The following MCPH1 variants were observed in gnomAD, a reference collection of about 807,000 sequenced individuals.
MCPH1 encodes microcephalin 1, also known as microcephalin.
A neutral mutation model predicts 84.5 loss-of-function variants in MCPH1; 104 were observed. That is an observed-to-expected ratio of 1.23 (90% CI 1.05 to 1.45). The LOEUF is 1.45. Among genes scored for constraint, MCPH1 ranks in the 40% most tolerant of loss-of-function variants. The pLI is 0.00. For missense variants in MCPH1, 1,498 were observed against 1,005.7 expected (o/e 1.49, Z -6.62); for synonymous variants, 514 against 366.8 (o/e 1.40, Z -4.58).
intron 3 of MCPH1, among the ~76,000 whole-genome samples, chr8:6,420,005 C>G (rs1337698194): frequency 6.6e-6 from 1 of 151,274 alleles, no homozygotes; most frequent in Non-Finnish European, 1.5e-5. Context: ...CCTCTTCTGT[C>G]AGTTCTGCTG....
chr8:6,439,543 C>T (rs1000023385), intron 6 of MCPH1, among the ~76,000 whole-genome samples: 20 of 151,170 alleles, frequency 1.3e-4, no homozygotes, highest in Non-Finnish European at 2.5e-4. Flanking sequence ...TGTCACCACT[C>T]CTGGCTAATT....
chr8:6,484,867 T>C (rs1809674564), intron 11 of MCPH1, among the ~76,000 whole-genome samples: 1 of 151,958 alleles, frequency 6.6e-6, no homozygotes, highest in South Asian at 2.1e-4. Context: ...AAGGTGGGAG[T>C]AGCATCTGCC....
In MCPH1 at chr8:6,414,316, A is replaced by G. The variant is rs114637163; in HGVS notation, c.115-449A>G. Among the ~76,000 whole-genome samples, 1,002 of 152,356 alleles carry G rather than the reference A, an allele frequency of 6.6e-3. 12 individuals are homozygous for G. The highest frequency in any genetic ancestry group is 0.022 in the African/African-American group (929 of 41,574). ...AGCCACCATGCCCAGCCATGGATAC[A>G]GTATCTTAAGATATGAGGTATTTTT... On this transcript the variant is annotated intron_variant, in intron 2 of 13. Coordinates refer to ENST00000344683, the MANE Select transcript of MCPH1 (RefSeq NM_024596.5).
At chr8:6,434,270 A>G (rs1470840654) in intron 4 of MCPH1, among the ~76,000 whole-genome samples, 1 of 152,210 alleles carries the variant, frequency 6.6e-6, no homozygotes, top group African/African-American at 2.4e-5. Flanking sequence ...GAAGCGCAAG[A>G]TGGAGTGTCT....
rs201405704 is a variant in MCPH1, at chr8:6,445,401, G to T, written c.1679G>T (p.Ser560Ile). The stretch of plus-strand genomic sequence containing the variant: ...ATGAAAGAAGCGGTTGGTCTGAAAA[G>T]CACACAGAACAAAGGTACCACTTCC... Reference protein sequence around the residue: ...EEMKEAVGLKSTQNKGTTSKI... With the variant: ...EEMKEAVGLKITQNKGTTSKI... Residue 560 changes from serine (S) to isoleucine (I), a missense_variant, in exon 8 of 14, where the codon AGC (serine) becomes ATC (isoleucine). Transcript: ENST00000344683. 199 of 1,614,248 alleles carry T rather than the reference G, an allele frequency of 1.2e-4. No individual in the cohort carries two copies. The highest frequency in any genetic ancestry group is 1.5e-4 in the Non-Finnish European group (175 of 1,180,048).
intron 12 of MCPH1, among the ~76,000 whole-genome samples, chr8:6,568,536 G>A (rs1033340997): frequency 6.6e-6 from 1 of 152,146 alleles, no homozygotes; most frequent in African/African-American, 2.4e-5. Context: ...GATGGAAATG[G>A]GGCCACCAGC....
chr8:6,611,919 G>C (rs2980666), intron 12 of MCPH1, among the ~76,000 whole-genome samples: 1 of 152,274 alleles, frequency 6.6e-6, no homozygotes, highest in South Asian at 2.1e-4. Flanking sequence ...CGCCCGGCCT[G>C]ACGTCGGGAT....
intron 11 of MCPH1, among the ~76,000 whole-genome samples, chr8:6,498,855 C>G (rs1253050647): frequency 6.6e-6 from 1 of 151,976 alleles, no homozygotes; most frequent in Non-Finnish European, 1.5e-5. Context: ...TCGAGACCAG[C>G]CTGGCCAACA....
chr8:6,544,568 G>A (rs1822198761), intron 12 of MCPH1, among the ~76,000 whole-genome samples: 1 of 152,072 alleles, frequency 6.6e-6, no homozygotes, highest in Non-Finnish European at 1.5e-5. Context: ...TTTTTTTCAG[G>A]GTGTGTCATT....
At chr8:6,408,916 C>G (rs749087010) in intron 1 of MCPH1, among the ~76,000 whole-genome samples, 4 of 148,528 alleles carry the variant, frequency 2.7e-5, no homozygotes, top group Non-Finnish European at 4.4e-5. Flanking sequence ...AAACGGGTCT[C>G]GCCCTGTCAC....
intron 2 of MCPH1, among the ~76,000 whole-genome samples, chr8:6,410,749 G>A (rs1328135631): frequency 2.0e-5 from 3 of 152,168 alleles, no homozygotes; most frequent in African/African-American, 7.2e-5. Flanking sequence ...ATCAGTTAGG[G>A]AAGTAGGGTG....
At chr8:6,601,263 C>T (rs949085170) in intron 12 of MCPH1, among the ~76,000 whole-genome samples, 3 of 152,310 alleles carry the variant, frequency 2.0e-5, no homozygotes, top group Non-Finnish European at 2.9e-5. Context: ...AAACAGTTCT[C>T]ATCAGGGCAC....
At chr8:6,428,838 A>C (rs907426729) in intron 3 of MCPH1, among the ~76,000 whole-genome samples, 1 of 152,156 alleles carries the variant, frequency 6.6e-6, no homozygotes, top group Admixed American at 6.5e-5. Context: ...TTCACCCTCA[A>C]TTCCTGTTCC....
chr8:6,410,678 C>T (rs111852024), intron 2 of MCPH1, among the ~76,000 whole-genome samples: 15 of 152,220 alleles, frequency 9.9e-5, no homozygotes, highest in Admixed American at 2.6e-4. Flanking sequence ...CGGGGAAGCC[C>T]AGCTAGGAGG....
intron 13 of MCPH1, among the ~76,000 whole-genome samples, chr8:6,624,530 T>C (rs1363870580): frequency 3.3e-5 from 5 of 152,234 alleles, no homozygotes; most frequent in Admixed American, 2.6e-4. Context: ...CTCAAGTATT[T>C]ATTGGCTTGT....
intron 12 of MCPH1, among the ~76,000 whole-genome samples, chr8:6,582,072 A>G (rs1827607288): frequency 6.6e-6 from 1 of 152,194 alleles, no homozygotes. Context: ...GCCACTGGTC[A>G]ACATTAGGTA....
At chr8:6,580,280 G>A (rs140048562) in intron 12 of MCPH1, among the ~76,000 whole-genome samples, 27 of 152,260 alleles carry the variant, frequency 1.8e-4, no homozygotes, top group Non-Finnish European at 2.6e-4. Flanking sequence ...TTCTTCCTCC[G>A]TTGCAGTGTA....
At chr8:6,592,500 A>T (rs1307301068) in intron 12 of MCPH1, among the ~76,000 whole-genome samples, 2 of 152,064 alleles carry the variant, frequency 1.3e-5, no homozygotes, top group Non-Finnish European at 2.9e-5. Context: ...ATAAAGTTAA[A>T]GCTCCCTTTG....
chr8:6,447,273 C>A (rs997821561), intron 8 of MCPH1: 2 of 985,376 alleles, frequency 2.0e-6, no homozygotes, highest in East Asian at 2.3e-4. Context: ...GAAGATGAAA[C>A]CATAAAGCCT....
Sources: allele counts gnomAD v4.1 joint callset (sites outside exome capture counted in the v4.1 genomes callset), GRCh38; gene constraint gnomAD v4.1.1; transcripts MANE v1.5; gene names NCBI Gene and HGNC (gene_info 2026-07-23, HGNC 2026-07-21).